NCOA3: variants seen among roughly 807,000 people sequenced by gnomAD.
The protein encoded by NCOA3 is CBP-interacting protein.
Under a neutral mutation model 158.8 loss-of-function variants are expected in NCOA3, and 51 were observed. The observed-to-expected ratio is 0.32, with a 90% CI of 0.26 to 0.41. The LOEUF (loss-of-function observed/expected upper bound fraction) is 0.41. Ranked by LOEUF, NCOA3 falls within the 10% of genes least tolerant of loss-of-function variation. The pLI is 1.00. For synonymous variants in NCOA3, 537 were observed against 592.4 expected (o/e 0.91, Z 1.36); for missense variants, 1,510 against 1,746.6 (o/e 0.86, Z 2.41).
At chr20:47,617,229 T>TA in intron 2 of NCOA3, among the ~76,000 whole-genome samples, 1 of 152,348 alleles carries the variant, frequency 6.6e-6, no homozygotes, top group East Asian at 1.9e-4. Flanking sequence ...GTGCTGGGAT[T>TA]ACAGGCGTGA....
rs1346194405 is a variant in NCOA3 at position 47,635,483 on chromosome 20, C to T, written c.1274C>T (p.Thr425Ile). The part of the protein sequence containing the change: ...RAYGLADPST[T>I]GQMSGARYGG... ...TATGGCTTGGCAGACCCTAGCACCA[C>T]AGGGCAGATGAGTGGAGCTAGGTAT... Residue 425 changes from threonine (T) to isoleucine (I), a missense_variant, in exon 11 of 23, where the codon ACA becomes ATA. By Grantham distance (89) the Thr-to-Ile change is moderately conservative (BLOSUM62 -1). This residue lies in a region of NCOA3 where 1,017 missense variants were observed against 1,098.3 expected (regional missense o/e 0.93). Transcript: ENST00000371998. 6.2e-7 allele frequency: 1 copy of T among 1,614,060 alleles called. No homozygotes were observed. Among genetic ancestry groups the T allele is most frequent in the South Asian group, 1.1e-5 (1 of 91,086 alleles).
intron 1 of NCOA3, among the ~76,000 whole-genome samples, chr20:47,525,418 CAT>C (rs2084413649): frequency 6.6e-6 from 1 of 150,910 alleles, no homozygotes; most frequent in South Asian, 2.1e-4. Flanking sequence ...CCGCCATTGT[CAT>C]CATGGCCCGT....
intron 1 of NCOA3, among the ~76,000 whole-genome samples, chr20:47,523,290 CTCTT>C (rs1188442441): frequency 5.3e-5 from 8 of 152,156 alleles, no homozygotes; most frequent in African/African-American, 1.9e-4. Flanking sequence ...TGGGCGATGA[CTCTT>C]TCTGGCTACT....
chr20:47,620,405 A>C (rs1434609731), intron 2 of NCOA3, among the ~76,000 whole-genome samples: 1 of 152,250 alleles, frequency 6.6e-6, no homozygotes, highest in Non-Finnish European at 1.5e-5. Flanking sequence ...CTCTTTTTAA[A>C]TATGAAAATT....
At chr20:47,601,120 A>G (rs2085854951) in intron 2 of NCOA3, among the ~76,000 whole-genome samples, 2 of 152,218 alleles carry the variant, frequency 1.3e-5, no homozygotes, top group African/African-American at 2.4e-5. Flanking sequence ...AGATCTGGTC[A>G]GCTTCTGGTG....
intron 1 of NCOA3, among the ~76,000 whole-genome samples, chr20:47,503,731 A>T (rs1286270268): frequency 6.6e-6 from 1 of 152,202 alleles, no homozygotes; most frequent in Non-Finnish European, 1.5e-5. Context: ...GGGCTTTAGG[A>T]TAAAGAACTC....
chr20:47,644,277 C>T (rs1250984682), intron 17 of NCOA3, among the ~76,000 whole-genome samples: 6 of 151,798 alleles, frequency 4.0e-5, no homozygotes, highest in African/African-American at 1.2e-4. Context: ...GTAGCTGGGA[C>T]TACAGGTGCC....
intron 6 of NCOA3, 114 bp downstream of exon 6, chr20:47,627,290 A>G: frequency 1.2e-6 from 1 of 866,726 alleles, no homozygotes; most frequent in Non-Finnish European, 1.7e-6. Flanking sequence ...GTAGAAAGGC[A>G]TGTGATTTAA....
chr20:47,621,088 A>G (rs920082147), intron 2 of NCOA3, among the ~76,000 whole-genome samples: 11 of 152,174 alleles, frequency 7.2e-5, no homozygotes, highest in African/African-American at 2.7e-4. Context: ...AAATACTTAA[A>G]TCATCTCAGC....
At chr20:47,510,918 C>G (rs6063127) in intron 1 of NCOA3, among the ~76,000 whole-genome samples, 142,576 of 152,110 alleles carry the variant, frequency 0.94, 67,440 homozygotes, top group Non-Finnish European at 1. Context: ...TCATACCACT[C>G]TTCTAAGTCT....
chr20:47,586,534 A>G (rs897755472), intron 2 of NCOA3, among the ~76,000 whole-genome samples: 1 of 152,198 alleles, frequency 6.6e-6, no homozygotes, highest in African/African-American at 2.4e-5. Flanking sequence ...CATCGATGAA[A>G]TCTATCGCCC....
rs2084760426 is a variant in NCOA3 at position 47,542,446 on chromosome 20, T to C, written c.-99+40427T>C. 2.0e-5 allele frequency among the ~76,000 whole-genome samples: 3 copies of C among 152,190 alleles called. No homozygotes were observed. In the South Asian group the frequency reaches 6.2e-4, roughly 31 times the overall value. On this transcript the variant is annotated intron_variant, in intron 1 of 22. Transcript: ENST00000371998. ...CTCTATTTTTAAAATGGTAGTTAGC[T>C]TTCAAGTCTTGATCAGTTTCTGGTT...
At chr20:47,636,902 T>C in intron 12 of NCOA3, 140 bp downstream of exon 12, 1 of 798,372 alleles carries the variant, frequency 1.3e-6, no homozygotes, top group Admixed American at 3.1e-5. Flanking sequence ...TTATTTTGGA[T>C]GTCAGTAAAA....
intron 1 of NCOA3, among the ~76,000 whole-genome samples, chr20:47,533,221 G>A (rs1472697710): frequency 7.0e-6 from 1 of 142,962 alleles, no homozygotes; most frequent in Non-Finnish European, 1.5e-5. Flanking sequence ...GGAGGCGGAG[G>A]TTGCAGTGAG....
At chr20:47,585,197 G>A (rs894550420) in intron 2 of NCOA3, among the ~76,000 whole-genome samples, 1 of 151,690 alleles carries the variant, frequency 6.6e-6, no homozygotes, top group African/African-American at 2.4e-5. Flanking sequence ...GATTACAGGC[G>A]TGCACGGCCA....
intron 1 of NCOA3, among the ~76,000 whole-genome samples, chr20:47,556,323 T>C (rs2085006676): frequency 6.6e-6 from 1 of 152,240 alleles, no homozygotes; most frequent in African/African-American, 2.4e-5. Context: ...GAACTGTTTA[T>C]GTGGCAAGTA....
At chr20:47,599,877 C>T (rs1370590787) in intron 2 of NCOA3, among the ~76,000 whole-genome samples, 1 of 152,132 alleles carries the variant, frequency 6.6e-6, no homozygotes, top group Non-Finnish European at 1.5e-5. Context: ...ATCTCCACTT[C>T]CTGTTTGTCC....
At chr20:47,596,875 G>A (rs1189494423) in intron 2 of NCOA3, among the ~76,000 whole-genome samples, 1 of 152,046 alleles carries the variant, frequency 6.6e-6, no homozygotes, top group Non-Finnish European at 1.5e-5. Flanking sequence ...CAGGTGTGAG[G>A]CACCATACTA....
Position 47,604,158 on chromosome 20 carries a change from A to G in NCOA3, c.-19-18071A>G, listed in dbSNP as rs113024224. ...AAATGGTACAGTTCTTGAGGGAGCC[A>G]TTTTTCGAGAGCCTACCATTTGCCA... is the stretch of plus-strand genomic sequence containing the variant. On this transcript the variant is annotated intron_variant, in intron 2 of 22. Coordinates refer to ENST00000371998, the MANE Select transcript of NCOA3 (RefSeq NM_181659.3). 7.2e-5 allele frequency among the ~76,000 whole-genome samples: 11 copies of G among 152,224 alleles called. 3 individuals carry two copies. Among genetic ancestry groups the G allele is most frequent in the African/African-American group, 2.4e-4 (10 of 41,532 alleles).
Sources: allele counts gnomAD v4.1 joint callset (sites outside exome capture counted in the v4.1 genomes callset), GRCh38; gene constraint gnomAD v4.1.1; regional missense constraint gnomAD v4.1.1; transcripts MANE v1.5; gene names NCBI Gene and HGNC (gene_info 2026-07-23, HGNC 2026-07-21).